NPTXR: variants seen among roughly 807,000 people sequenced by gnomAD.
The protein encoded by NPTXR is neuronal pentraxin receptor.
In NPTXR, 12 loss-of-function variants were observed where a neutral mutation model predicts 32.2. That is an observed-to-expected ratio of 0.37 (90% CI 0.24 to 0.60). The LOEUF is 0.60. Among genes scored for constraint, NPTXR ranks in the 20% least tolerant of loss-of-function variants. NPTXR has a pLI of 0.66. For synonymous variants in NPTXR, 323 were observed against 315.8 expected, an observed-to-expected ratio of 1.02 and a Z score of -0.24; for missense variants, 612 against 682.9, an observed-to-expected ratio of 0.90 and a Z score of 1.16.
Position 38,822,261 on chromosome 22 carries a change from C to T in NPTXR, c.*348G>A. 3.5e-6 allele frequency: 1 copy of T among 286,668 alleles called. No individual in the cohort carries two copies. Among genetic ancestry groups the T allele is most frequent in the Non-Finnish European group, 6.8e-6 (1 of 147,788 alleles). 17.8% of individuals were successfully genotyped at this position (286,668 alleles called of 1,614,324 possible). On this transcript the variant is annotated 3_prime_UTR_variant, in exon 5 of 5. Transcript: ENST00000333039. Reference sequence around the variant, plus strand: ...ACCCCCACCACTGAGATAGTGGGGTCCCCCTCATACACAATCCTACCCTAC... The same window carrying T: ...ACCCCCACCACTGAGATAGTGGGGTTCCCCTCATACACAATCCTACCCTAC...
Position 38,843,943 on chromosome 22 carries a change from A to G in NPTXR, c.-85T>C. On this transcript the variant is annotated 5_prime_UTR_variant, in exon 1 of 5. Coordinates refer to ENST00000333039, the MANE Select transcript of NPTXR (RefSeq NM_014293.4). The surrounding 1 kb of genome is among the most constrained non-coding windows in gnomAD (Gnocchi z 5.3). ...CGCGGAGCCCGGGCGCGCTGGGCCG[A>G]GCGGGGCAGGCGCGGGAGCCGGAGC... The G allele has an allele frequency of 1.2e-6, 1 of 801,244 alleles. No homozygotes were observed. The highest frequency in any genetic ancestry group is 1.5e-6 in the Non-Finnish European group (1 of 665,432). 49.6% of individuals were successfully genotyped at this position (801,244 alleles called of 1,614,324 possible). A position where few individuals can be genotyped will look rare whatever the true frequency, so the allele number is the denominator to read the frequency against.
intron 1 of NPTXR, among the ~76,000 whole-genome samples, chr22:38,838,191 TCGGG>T (rs2093126833): frequency 6.7e-6 from 1 of 149,608 alleles, no homozygotes; most frequent in African/African-American, 2.6e-5. Flanking sequence ...GAAGCATGTT[TCGGG>T]CGTATCTGGC....
At position 38,826,485 on chromosome 22, in the gene NPTXR, G is replaced by GCCAGCCCTGCCTA; in HGVS notation, c.1098+2_1098+14dup. The stretch of plus-strand genomic sequence containing the variant: ...GGCCCTCCCCCAGCCAGCCCTCCCT[G>GCCAGCCCTGCCTA]CCAGCCCTGCCTACCTTGTCGTTGA... On this transcript the variant is annotated intron_variant, in intron 3 of 4. Transcript: ENST00000333039. 6.3e-7 allele frequency: 1 copy of GCCAGCCCTGCCTA among 1,591,036 alleles called. No individual in the cohort carries two copies. The highest frequency in any genetic ancestry group is 8.6e-7 in the Non-Finnish European group (1 of 1,165,590).
At chr22:38,840,401 G>T (rs923463316) in intron 1 of NPTXR, among the ~76,000 whole-genome samples, 2 of 152,160 alleles carry the variant, frequency 1.3e-5, no homozygotes, top group Admixed American at 1.3e-4. Flanking sequence ...CTAGGAGCAG[G>T]CCGAGGAGTT....
At position 38,823,086 on chromosome 22, in the gene NPTXR, C is replaced by T; in HGVS notation, c.1275G>A (p.Glu425=). 13 of 1,614,132 alleles carry T rather than the reference C, an allele frequency of 8.1e-6. No individual in the cohort carries two copies. Among genetic ancestry groups the T allele is most frequent in the Non-Finnish European group, 1.1e-5 (13 of 1,179,990 alleles). Reference sequence around the variant, plus strand: ...CCAATATCAGCCTGAGCCTTACCTGCTCCTGGCCCAAGATAAGGATCCCAT... The same window carrying T: ...CCAATATCAGCCTGAGCCTTACCTGTTCCTGGCCCAAGATAAGGATCCCAT... Residue 425 remains glutamate, a synonymous_variant, in exon 4 of 5, where the codon GAG becomes GAA. Transcript: ENST00000333039.
Position 38,826,716 on chromosome 22 carries a change from G to A in NPTXR, c.882C>T (p.Phe294=). 6.2e-7 allele frequency: 1 copy of A among 1,614,146 alleles called. No individual in the cohort carries two copies. The change falls in exon 3 of 5, where the codon TTC becomes TTT. Residue 294 remains phenylalanine (F), a synonymous_variant. Coordinates refer to ENST00000333039, the MANE Select transcript of NPTXR (RefSeq NM_014293.4). ...TGTTACGGATGGGGATGCTGATCTT[G>A]AAGGCATCTGGAGGACTGTAGGCTG...
Position 38,837,854 on chromosome 22 carries a change from T to TATTTTATTTTATTTTATTTTATTTC in NPTXR, c.624+5380_624+5381insGAAATAAAATAAAATAAAATAAAAT, listed in dbSNP as rs2093126370. ...ACTTATTTATTTTTATTTTTTATTT[T>TATTTTATTTTATTTTATTTTATTTC]ATTTTATTTTATTTTATTTGAGACA... On this transcript the variant is annotated intron_variant, in intron 1 of 4. Transcript: ENST00000333039. Among the ~76,000 whole-genome samples, 2 of 150,620 alleles carry TATTTTATTTTATTTTATTTTATTTC rather than the reference T, an allele frequency of 1.3e-5. 1 individual carries two copies. Among genetic ancestry groups the TATTTTATTTTATTTTATTTTATTTC allele is most frequent in the Non-Finnish European group, 3.0e-5 (2 of 67,700 alleles).
Position 38,843,639 on chromosome 22 carries a change from G to A in NPTXR, c.220C>T (p.Leu74=). ...GCGCTGGCCGCGGGTGCCCCGGGCAGCGCGGGGGGCCCGGCTGAACCGCCC... is the reference window on the plus strand; with the variant it reads ...GCGCTGGCCGCGGGTGCCCCGGGCAACGCGGGGGGCCCGGCTGAACCGCCC... The change falls in exon 1 of 5, where the codon CTG becomes TTG. Residue 74 remains leucine (L), a synonymous_variant. Transcript: ENST00000333039. This position sits in a 1 kb window ranked among gnomAD's most constrained non-coding sequence, Gnocchi z 5.3. 9.2e-7 allele frequency: 1 copy of A among 1,090,570 alleles called. No individual in the cohort carries two copies. Among genetic ancestry groups the A allele is most frequent in the South Asian group, 4.3e-5 (1 of 23,086 alleles). The allele number at this position is 1,090,570 out of a possible 1,614,324, so 67.6% of individuals were successfully genotyped here. A position where few individuals can be genotyped will look rare whatever the true frequency, so the allele number is the denominator to read the frequency against.
chr22:38,827,260 C>CTTT (rs66921740), intron 2 of NPTXR, among the ~76,000 whole-genome samples: 1 of 97,638 alleles, frequency 1.0e-5, no homozygotes, highest in African/African-American at 4.2e-5. Flanking sequence ...TTTTTTCTTT[C>CTTT]TTTTTTTTTT....
intron 2 of NPTXR, among the ~76,000 whole-genome samples, chr22:38,827,682 A>G (rs2093109452): frequency 6.6e-6 from 1 of 152,206 alleles, no homozygotes; most frequent in Non-Finnish European, 1.5e-5. Flanking sequence ...TTGAGAGCTC[A>G]TGAGTCCTAA....
intron 1 of NPTXR, among the ~76,000 whole-genome samples, chr22:38,835,724 C>G (rs1023796250): frequency 1.3e-5 from 2 of 152,194 alleles, no homozygotes; most frequent in African/African-American, 4.8e-5. Context: ...ACCCCTAGCC[C>G]ACTTCAGTGA....
At chr22:38,831,223 A>G (rs948572316) in intron 1 of NPTXR, among the ~76,000 whole-genome samples, 7 of 152,198 alleles carry the variant, frequency 4.6e-5, no homozygotes, top group African/African-American at 1.4e-4. Flanking sequence ...CCTGGGCAAC[A>G]TGGCGAAACC....
At chr22:38,838,234 A>G (rs900517282) in intron 1 of NPTXR, among the ~76,000 whole-genome samples, 14 of 152,008 alleles carry the variant, frequency 9.2e-5, no homozygotes, top group African/African-American at 2.9e-4. Context: ...TATGGAGGGG[A>G]AAACTGAAGC....
chr22:38,840,773 G>C (rs969333242), intron 1 of NPTXR, among the ~76,000 whole-genome samples: 7 of 152,098 alleles, frequency 4.6e-5, no homozygotes, highest in African/African-American at 1.7e-4. Context: ...GGGCATGGCT[G>C]AGTGTACCCA....
In NPTXR at chr22:38,826,685, T is replaced by C. The variant is rs768515182; in HGVS notation, c.913A>G (p.Met305Val). ...AGAGCCTTCCGCACGCGGGCGTACA[T>C]GTAGTTGTTACGGATGGGGATGCTG... Residue 305 changes from methionine (M) to valine (V), a missense_variant, in exon 3 of 5, where the codon ATG becomes GTG. Physicochemically the swap from Met to Val is conservative, Grantham distance 21 (BLOSUM62 1). Transcript: ENST00000333039. The C allele has an allele frequency of 1.9e-6, 3 of 1,614,108 alleles. No individual in the cohort carries two copies. The highest frequency in any genetic ancestry group is 2.5e-6 in the Non-Finnish European group (3 of 1,180,050).
intron 1 of NPTXR, among the ~76,000 whole-genome samples, chr22:38,841,702 G>A (rs969510222): frequency 1.3e-5 from 2 of 152,194 alleles, no homozygotes; most frequent in African/African-American, 4.8e-5. Context: ...ACATACCTGT[G>A]TGCCAGGCAC....
At chr22:38,824,992 A>C (rs1252063610) in intron 3 of NPTXR, among the ~76,000 whole-genome samples, 1 of 152,084 alleles carries the variant, frequency 6.6e-6, no homozygotes, top group Non-Finnish European at 1.5e-5. Context: ...GGTGGGTACG[A>C]TATGTGGTAT....
rs1353489774 is a variant in NPTXR, at chr22:38,843,544, C to G, written c.315G>C (p.Ser105=). The G allele has an allele frequency of 4.0e-6, 5 of 1,246,300 alleles. No individual in the cohort carries two copies. The highest frequency in any genetic ancestry group is 3.0e-5 in the South Asian group (1 of 33,106). The allele number at this position is 1,246,300 out of a possible 1,614,324, so 77.2% of individuals were successfully genotyped here. ...CCGCCGCGTCCCCCTGCTGGGCCCC[C>G]GACGGGCAGGCAGCAGCCAGCGGCG... Residue 105 remains serine (S), a synonymous_variant, in exon 1 of 5, where the codon TCG becomes TCC. Transcript: ENST00000333039. The surrounding 1 kb of genome is among the most constrained non-coding windows in gnomAD (Gnocchi z 5.3).
intron 3 of NPTXR, 91 bp downstream of exon 3, chr22:38,826,409 T>C (rs1045917116): frequency 2.8e-6 from 4 of 1,417,424 alleles, no homozygotes; most frequent in Non-Finnish European, 3.8e-6. Flanking sequence ...AGCAGGAGAA[T>C]GAGCAGGAGA....
Sources: gnomAD v4.1 joint callset for allele counts (sites outside exome capture counted in the v4.1 genomes callset) on GRCh38, gnomAD v4.1.1 for gene constraint, Gnocchi (gnomAD v3.1) non-coding constraint, MANE v1.5 for transcripts, NCBI Gene and HGNC (gene_info 2026-07-23, HGNC 2026-07-21) for gene names.